Variants in ZNF804B observed in about 807,000 individuals in gnomAD.
The protein encoded by ZNF804B is zinc finger 804B.
Under a neutral mutation model 101.4 loss-of-function variants are expected in ZNF804B, and 80 were observed. The ratio of observed to expected loss-of-function variants is 0.79; its 90% CI spans 0.66 to 0.95. The LOEUF is 0.95. ZNF804B is among the 40% of genes least tolerant of loss of function. ZNF804B has a pLI of 0.00. For synonymous variants in ZNF804B, 622 were observed against 558.8 expected (o/e 1.11, Z -1.59); for missense variants, 1,673 against 1,561.9 (o/e 1.07, Z -1.20).
In ZNF804B at chr7:89,319,803, A is replaced by G. The variant is rs577790875; in HGVS notation, c.250-7541A>G. 2.0e-5 allele frequency among the ~76,000 whole-genome samples: 3 copies of G among 152,324 alleles called. No homozygotes were observed. In the South Asian group the frequency reaches 6.2e-4, roughly 32 times the overall value. On this transcript the variant is annotated intron_variant, in intron 2 of 3. Transcript: ENST00000333190. ...CTTGAAGGCTGTGGACACTGATCTT[A>G]AATAAAGCAACAAAGACCAAATGCA...
intron 1 of ZNF804B, among the ~76,000 whole-genome samples, chr7:89,103,966 T>C (rs890657324): frequency 6.6e-6 from 1 of 152,074 alleles, no homozygotes; most frequent in South Asian, 2.1e-4. Context: ...TAAATGCTTT[T>C]TCTGCATCTA....
rs542957263 is a variant in ZNF804B, at chr7:89,320,046, A to T, written c.250-7298A>T. On this transcript the variant is annotated intron_variant, in intron 2 of 3. Transcript: ENST00000333190. ...AATAGTCAATACAACTAGATTCAGA[A>T]ATGGGGTGGGGGGCTAGGGGAGGGA... is the stretch of plus-strand genomic sequence containing the variant. Among the ~76,000 whole-genome samples the T allele has an allele frequency of 5.8e-3, 869 of 149,980 alleles. 10 individuals carry two copies. Among genetic ancestry groups the T allele is most frequent in the African/African-American group, 0.02 (811 of 41,082 alleles).
At chr7:88,948,788 T>C (rs1191310549) in intron 1 of ZNF804B, among the ~76,000 whole-genome samples, 1 of 151,916 alleles carries the variant, frequency 6.6e-6, no homozygotes, top group Non-Finnish European at 1.5e-5. Flanking sequence ...AGGTGGTTTT[T>C]GTTGTTGTTG....
At chr7:89,282,036 C>G (rs1790104272) in intron 2 of ZNF804B, among the ~76,000 whole-genome samples, 1 of 151,668 alleles carries the variant, frequency 6.6e-6, no homozygotes, top group Non-Finnish European at 1.5e-5. Context: ...CCCGTCTCTA[C>G]TAAAAATACA....
Position 89,335,605 on chromosome 7 carries a change from T to C in ZNF804B, c.2623T>C (p.Leu875=), listed in dbSNP as rs149767607. 2.9e-5 allele frequency: 46 copies of C among 1,613,954 alleles called. No homozygotes were observed. Among genetic ancestry groups the C allele is most frequent in the Admixed American group, 2.0e-4 (12 of 59,928 alleles). The change falls in exon 4 of 4, where the codon TTG becomes CTG. Residue 875 remains leucine, a synonymous_variant. Transcript: ENST00000333190. The stretch of plus-strand genomic sequence containing the variant: ...TAAAAGCAAGAGAAATCAAGAGTCT[T>C]TGGGCAGCCCTCACATTTGTGATCT... ...LNKSKRNQES[L]GSPHICDLGK...
At chr7:89,106,383 C>T (rs1378241496) in intron 1 of ZNF804B, among the ~76,000 whole-genome samples, 1 of 152,060 alleles carries the variant, frequency 6.6e-6, no homozygotes, top group African/African-American at 2.4e-5. Flanking sequence ...GTTTATACTA[C>T]AGAATTAGTA....
chr7:89,298,216 G>GTGTGTGTATATA (rs1421058768), intron 2 of ZNF804B, among the ~76,000 whole-genome samples: 1 of 27,524 alleles, frequency 3.6e-5, no homozygotes, highest in African/African-American at 1.6e-4. Context: ...GTGTGTGTGT[G>GTGTGTGTATATA]TATATATATA....
intron 1 of ZNF804B, among the ~76,000 whole-genome samples, chr7:89,061,838 A>G (rs1455877786): frequency 1.3e-5 from 2 of 152,082 alleles, no homozygotes; most frequent in African/African-American, 4.8e-5. Context: ...ACAAACAACG[A>G]AACTTAGTGT....
At chr7:89,295,740 G>A (rs1009114227) in intron 2 of ZNF804B, among the ~76,000 whole-genome samples, 2 of 152,054 alleles carry the variant, frequency 1.3e-5, no homozygotes, top group East Asian at 1.9e-4. Context: ...CCCCTTTAAT[G>A]TGAAGTCAAT....
At chr7:88,840,432 C>T (rs1791278171) in intron 1 of ZNF804B, among the ~76,000 whole-genome samples, 2 of 152,036 alleles carry the variant, frequency 1.3e-5, no homozygotes. Context: ...GTTTATGCAA[C>T]AATTGTCTGT....
chr7:88,968,720 T>C (rs1170273206), intron 1 of ZNF804B, among the ~76,000 whole-genome samples: 1 of 151,626 alleles, frequency 6.6e-6, no homozygotes, highest in East Asian at 2.0e-4. Flanking sequence ...CACCAAAATA[T>C]TTAATTACAG....
chr7:88,993,109 C>A (rs1169810432), intron 1 of ZNF804B, among the ~76,000 whole-genome samples: 1 of 151,708 alleles, frequency 6.6e-6, no homozygotes, highest in Non-Finnish European at 1.5e-5. Context: ...TTTTGGTATT[C>A]TTTATATATA....
intron 1 of ZNF804B, among the ~76,000 whole-genome samples, chr7:89,141,314 TA>T (rs1467032766): frequency 6.6e-6 from 1 of 152,112 alleles, no homozygotes; most frequent in Non-Finnish European, 1.5e-5. Context: ...GTAATTGGGC[TA>T]ATACCCTTGG....
chr7:89,045,649 T>A (rs1332915385), intron 1 of ZNF804B, among the ~76,000 whole-genome samples: 1 of 152,218 alleles, frequency 6.6e-6, no homozygotes, highest in Non-Finnish European at 1.5e-5. Flanking sequence ...CTCTATTGGA[T>A]TTCAGACTTG....
At chr7:89,329,889 G>A (rs565823656) in intron 3 of ZNF804B, among the ~76,000 whole-genome samples, 219 of 151,614 alleles carry the variant, frequency 1.4e-3, no homozygotes, top group African/African-American at 5.1e-3. Flanking sequence ...AATGGAACAC[G>A]AAAGAATGAC....
chr7:89,034,349 T>G (rs10235590), intron 1 of ZNF804B, among the ~76,000 whole-genome samples: 121,923 of 151,920 alleles, frequency 0.8, 49,042 homozygotes, highest in Middle Eastern at 0.82. Flanking sequence ...GTGCCGTGGT[T>G]GTTTGCTGCA....
At chr7:88,813,957 T>A (rs17299051) in intron 1 of ZNF804B, among the ~76,000 whole-genome samples, 1 of 151,918 alleles carries the variant, frequency 6.6e-6, no homozygotes, top group Non-Finnish European at 1.5e-5. Context: ...ATTCTTGACA[T>A]GCATAGCCAA....
chr7:88,935,370 A>T (rs1275656470), intron 1 of ZNF804B, among the ~76,000 whole-genome samples: 7 of 46,192 alleles, frequency 1.5e-4, no homozygotes, highest in African/African-American at 1.1e-3. Flanking sequence ...AAAAGTAATT[A>T]AAAAAAAAAA....
chr7:89,063,125 A>G (rs1789402902), intron 1 of ZNF804B, among the ~76,000 whole-genome samples: 2 of 152,126 alleles, frequency 1.3e-5, no homozygotes, highest in Admixed American at 6.6e-5. Flanking sequence ...AGTATTAGCA[A>G]TCGTTATTAT....
Sources: allele counts gnomAD v4.1 joint callset (sites outside exome capture counted in the v4.1 genomes callset), GRCh38; gene constraint gnomAD v4.1.1; transcripts MANE v1.5; gene names NCBI Gene and HGNC (gene_info 2026-07-23, HGNC 2026-07-21).